PADI4: variants seen among roughly 807,000 people sequenced by gnomAD.
PADI4 encodes the protein peptidyl arginine deiminase 4, also known as protein-arginine deiminase type-4.
In PADI4, 62 loss-of-function variants were observed where a neutral mutation model predicts 75.0. The ratio of observed to expected loss-of-function variants is 0.83; its 90% confidence interval spans 0.67 to 1.02. The LOEUF (loss-of-function observed/expected upper bound fraction) is 1.02, where lower values mean the gene tolerates loss of function less well. Ranked by LOEUF, PADI4 falls within the 50% of genes least tolerant of loss-of-function variation. The probability of loss-of-function intolerance (pLI) is 0.00; values close to 1 mark genes in which losing one functional copy is unlikely to be tolerated. For synonymous variants in PADI4, 361 were observed against 348.1 expected, an observed-to-expected ratio of 1.04 and a Z score of -0.41; for missense variants, 845 against 850.5, an observed-to-expected ratio of 0.99 and a Z score of 0.08.
At chr1:17,341,635 C>G (rs1390135540) in intron 6 of PADI4, among the ~76,000 whole-genome samples, 1 of 152,238 alleles carries the variant, frequency 6.6e-6, no homozygotes, top group Non-Finnish European at 1.5e-5. Context: ...CCCTGTCCCC[C>G]GCTGACATCT....
chr1:17,333,867 C>T lies in PADI4; in HGVS notation c.274-76C>T. 6 of 1,133,250 alleles carry T rather than the reference C, an allele frequency of 5.3e-6. No individual in the cohort carries two copies. In the South Asian group the frequency reaches 6.3e-5, roughly 12 times the overall value. 70.2% of individuals were successfully genotyped at this position (1,133,250 alleles called of 1,614,324 possible). On this transcript the variant is annotated intron_variant, in intron 2 of 15. Coordinates refer to ENST00000375448, the MANE Select transcript of PADI4 (RefSeq NM_012387.3). The stretch of plus-strand genomic sequence containing the variant: ...TGTCTCCCCAGTGCCCTACCCTGAG[C>T]CGGCACATAGGAGGGGGTCCAGTGG...
chr1:17,340,866 T>C (rs2074406348), intron 6 of PADI4, among the ~76,000 whole-genome samples: 1 of 149,118 alleles, frequency 6.7e-6, no homozygotes, highest in Admixed American at 6.8e-5. Flanking sequence ...AGTGGTGCCA[T>C]CTTGGCTCAC....
At chr1:17,358,241 C>G (rs1294401026) in intron 13 of PADI4, among the ~76,000 whole-genome samples, 5 of 151,060 alleles carry the variant, frequency 3.3e-5, no homozygotes, top group African/African-American at 4.9e-5. Flanking sequence ...GAGCAAGGCT[C>G]TGTCTCAAAA....
chr1:17,335,825 C>T (rs1467826150), intron 3 of PADI4, among the ~76,000 whole-genome samples: 1 of 152,240 alleles, frequency 6.6e-6, no homozygotes, highest in African/African-American at 2.4e-5. Context: ...GGCTTCACAT[C>T]GAACCTCTCA....
chr1:17,350,867 T>C (rs71512934), intron 10 of PADI4, among the ~76,000 whole-genome samples: 4,237 of 127,938 alleles, frequency 0.033, 884 homozygotes, highest in Non-Finnish European at 0.038. Flanking sequence ...ACAAAGCAGT[T>C]ATATGGTTCC....
At chr1:17,312,747 G>A (rs752874853) in intron 1 of PADI4, among the ~76,000 whole-genome samples, 1 of 152,014 alleles carries the variant, frequency 6.6e-6, no homozygotes. Flanking sequence ...GTGAAGATAA[G>A]CTATTAACTT....
chr1:17,308,536 C>T lies in PADI4; in HGVS notation c.92+222C>T, dbSNP rs563272226. Among the ~76,000 whole-genome samples the T allele has an allele frequency of 9.2e-5, 14 of 152,294 alleles. No homozygotes were observed. In the South Asian group the frequency reaches 2.1e-3, roughly 23 times the overall value. On this transcript the variant is annotated intron_variant, in intron 1 of 15. Coordinates refer to ENST00000375448, the MANE Select transcript of PADI4 (RefSeq NM_012387.3). ...TGTACAAGTGCAAATTCCCCAGGAA[C>T]ACACGACAGATAAATTATTATGGGG...
chr1:17,356,562 CA>C lies in PADI4; in HGVS notation c.1558+104del. ...TCCAGGCAATAGGGTAGCATCTGAG[CA>C]CCTACTGTGCGCCAGGCACTGTGCC... On this transcript the variant is annotated intron_variant, in intron 13 of 15. Transcript: ENST00000375448. The surrounding 1 kb of genome is among the most constrained non-coding windows in gnomAD (Gnocchi z 4.1). The C allele has an allele frequency of 1.4e-6, 1 of 694,480 alleles. No individual in the cohort carries two copies. Among genetic ancestry groups the C allele is most frequent in the Non-Finnish European group, 2.5e-6 (1 of 392,218 alleles). The allele number at this position is 694,480 out of a possible 1,614,324, so 43.0% of individuals were successfully genotyped here. A position where few individuals can be genotyped will look rare whatever the true frequency, so the allele number is the denominator to read the frequency against.
intron 3 of PADI4, 132 bp from the exon 4 acceptor site, chr1:17,336,027 A>C: frequency 1.5e-6 from 1 of 651,612 alleles, no homozygotes; most frequent in Middle Eastern, 4.1e-4. Context: ...TCTCCTCTGA[A>C]GGACGGGAAG....
Position 17,334,006 on chromosome 1 carries a change from G to C in PADI4, c.337G>C (p.Val113Leu), listed in dbSNP as rs1477022937. 1.9e-6 allele frequency: 3 copies of C among 1,601,658 alleles called. No individual in the cohort carries two copies. Among genetic ancestry groups the C allele is most frequent in the Non-Finnish European group, 1.7e-6 (2 of 1,168,636 alleles). Reference protein sequence around the residue: ...PVKALLYLTGVEISLCADITR... With the variant: ...PVKALLYLTGLEISLCADITR... ...CAAAGCTCTACTCTACCTCACCGGG[G>C]TGGGTAAGTGACAACCAGGATCCTA... The change falls in exon 3 of 16, where the codon GTG becomes CTG. Residue 113 changes from valine (V) to leucine (L), a missense_variant. By Grantham distance (32) the Val-to-Leu change is conservative. Transcript: ENST00000375448.
At chr1:17,326,357 A>G (rs1167713831) in intron 1 of PADI4, among the ~76,000 whole-genome samples, 1 of 152,212 alleles carries the variant, frequency 6.6e-6, no homozygotes. Context: ...TTTAAGGCAT[A>G]AAGTATCACT....
At chr1:17,339,566 T>G in intron 5 of PADI4, 122 bp from the exon 6 acceptor site, 2 of 915,264 alleles carry the variant, frequency 2.2e-6, no homozygotes, top group Non-Finnish European at 1.7e-6. Flanking sequence ...CCAGGCAACA[T>G]GGTAAAGGGA....
At chr1:17,347,475 T>C (rs2074537034) in intron 9 of PADI4, among the ~76,000 whole-genome samples, 1 of 152,178 alleles carries the variant, frequency 6.6e-6, no homozygotes, top group South Asian at 2.1e-4. Context: ...AGGCTGGGTC[T>C]TATCTGCCCT....
intron 1 of PADI4, among the ~76,000 whole-genome samples, chr1:17,327,274 G>C (rs72916831): frequency 1.3e-5 from 2 of 152,052 alleles, no homozygotes. Context: ...AAGTTAAACC[G>C]TATATCATTA....
intron 1 of PADI4, among the ~76,000 whole-genome samples, chr1:17,320,387 C>A (rs539176176): frequency 6.6e-6 from 1 of 152,204 alleles, no homozygotes; most frequent in Non-Finnish European, 1.5e-5. Context: ...TTATTAAGAA[C>A]GCAAAGGAAT....
chr1:17,335,216 G>A (rs868148803), intron 3 of PADI4, among the ~76,000 whole-genome samples: 1 of 152,174 alleles, frequency 6.6e-6, no homozygotes, highest in Middle Eastern at 3.4e-3. Flanking sequence ...TTTCATTAAT[G>A]CATTTCATTC....
At chr1:17,315,904 C>T (rs1252102922) in intron 1 of PADI4, among the ~76,000 whole-genome samples, 1 of 151,922 alleles carries the variant, frequency 6.6e-6, no homozygotes, top group Non-Finnish European at 1.5e-5. Context: ...ACCTCACAGC[C>T]CCCAGGGCTA....
rs773587729 is a variant in PADI4, at chr1:17,348,038, A to G, written c.1145A>G (p.Lys382Arg). ...RNRGLKEFPI[K>R]RVMGPDFGYV... is the part of the protein sequence containing the mutation. ...AGAGGCCTGAAGGAGTTTCCCATCA[A>G]ACGCGTGATGGTACCTGCATGGGGT... The change falls in exon 10 of 16, where the codon AAA (lysine) becomes AGA (arginine). Residue 382 changes from lysine to arginine, a missense_variant. Lys to Arg is a conservative substitution (Grantham distance 26). Coordinates refer to ENST00000375448, the MANE Select transcript of PADI4 (RefSeq NM_012387.3). 1.9e-6 allele frequency: 3 copies of G among 1,597,802 alleles called. No homozygotes were observed. In the Admixed American group the frequency reaches 5.0e-5, roughly 27 times the overall value.
rs60797614 is a variant in PADI4 at position 17,316,522 on chromosome 1, T to C, written c.92+8208T>C. ...GGCTAACACAGTGAAACCCCGTCTCTACTAAAAATACAAAAAAATTAGCCA... is the reference window on the plus strand; with the variant it reads ...GGCTAACACAGTGAAACCCCGTCTCCACTAAAAATACAAAAAAATTAGCCA... On this transcript the variant is annotated intron_variant, in intron 1 of 15. Transcript: ENST00000375448. Among the ~76,000 whole-genome samples the C allele has an allele frequency of 8.5e-3, 1,291 of 151,592 alleles. 23 individuals are homozygous for C. The highest frequency in any genetic ancestry group is 0.03 in the African/African-American group (1,222 of 41,266).
Sources: allele counts gnomAD v4.1 joint callset (sites outside exome capture counted in the v4.1 genomes callset), GRCh38; gene constraint gnomAD v4.1.1; non-coding constraint Gnocchi (gnomAD v3.1); transcripts MANE v1.5; gene names NCBI Gene and HGNC (gene_info 2026-07-23, HGNC 2026-07-21).